CAMK2D: variants seen among roughly 807,000 people sequenced by gnomAD.
CAMK2D encodes calcium/calmodulin dependent protein kinase II delta.
CAMK2D carries 37 observed loss-of-function variants against 84.0 expected under a neutral mutation model. The ratio of observed to expected loss-of-function variants is 0.44; its 90% CI spans 0.34 to 0.58. The LOEUF is 0.58. Ranked by LOEUF, CAMK2D falls within the 20% of genes least tolerant of loss-of-function variation. The pLI is 0.02. For synonymous variants in CAMK2D, 202 were observed against 212.5 expected, an observed-to-expected ratio of 0.95 and a Z score of 0.43; for missense variants, 448 against 652.5, an observed-to-expected ratio of 0.69 and a Z score of 3.41.
At position 113,495,280 on chromosome 4, in the gene CAMK2D, A is replaced by C. The variant is rs112809028; in HGVS notation, c.1135+5183T>G. ...CTCTAAGACATTTTTAACCTAATGG[A>C]ATGACATAATTATCAAAAGTCCCTC... is the stretch of plus-strand genomic sequence containing the variant. On this transcript the variant is annotated intron_variant, in intron 16 of 20. Transcript: ENST00000511664. Among the ~76,000 whole-genome samples the C allele has an allele frequency of 3.8e-3, 573 of 152,348 alleles. 4 individuals are homozygous for C. Among genetic ancestry groups the C allele is most frequent in the African/African-American group, 0.013 (534 of 41,574 alleles).
At chr4:113,687,573 T>C (rs1361450805) in intron 2 of CAMK2D, among the ~76,000 whole-genome samples, 41 of 152,174 alleles carry the variant, frequency 2.7e-4, no homozygotes, top group Non-Finnish European at 2.8e-4. Context: ...AGGGTAGTAA[T>C]ATAGTTTGCT....
chr4:113,553,972 T>C (rs1258116767), intron 4 of CAMK2D, among the ~76,000 whole-genome samples: 9 of 152,198 alleles, frequency 5.9e-5, no homozygotes. Context: ...CTCGTAGTTA[T>C]CCTTGTTTTT....
intron 16 of CAMK2D, among the ~76,000 whole-genome samples, chr4:113,497,115 G>GTTT (rs5861137): frequency 5.5e-5 from 8 of 145,150 alleles, no homozygotes; most frequent in African/African-American, 2.0e-4. Context: ...GTTTCACTGA[G>GTTT]TTTTTTTTTT....
intron 7 of CAMK2D, among the ~76,000 whole-genome samples, chr4:113,533,376 C>T (rs2098470355): frequency 6.6e-6 from 1 of 151,958 alleles, no homozygotes; most frequent in Non-Finnish European, 1.5e-5. Flanking sequence ...AAGACCTTCT[C>T]TGTGGGAAAT....
chr4:113,471,798 C>T (rs1254423462), intron 16 of CAMK2D, among the ~76,000 whole-genome samples: 1 of 152,122 alleles, frequency 6.6e-6, no homozygotes, highest in East Asian at 1.9e-4. Context: ...GTCCCCCACC[C>T]CTTTAAGGTT....
intron 4 of CAMK2D, among the ~76,000 whole-genome samples, chr4:113,571,639 C>T (rs1020019103): frequency 5.9e-5 from 9 of 152,062 alleles, no homozygotes; most frequent in Admixed American, 3.3e-4. Context: ...TTTGGGAGGC[C>T]GAGGCGGGTG....
intron 3 of CAMK2D, among the ~76,000 whole-genome samples, chr4:113,658,939 T>C (rs2099214869): frequency 6.6e-6 from 1 of 152,188 alleles, no homozygotes; most frequent in Non-Finnish European, 1.5e-5. Context: ...ACCAAGGAAT[T>C]ATGACATTTG....
chr4:113,507,969 T>G (rs959407222), intron 13 of CAMK2D, among the ~76,000 whole-genome samples: 1 of 152,234 alleles, frequency 6.6e-6, no homozygotes, highest in Non-Finnish European at 1.5e-5. Context: ...ACATTCATTC[T>G]GTCATGGTCT....
intron 2 of CAMK2D, among the ~76,000 whole-genome samples, chr4:113,747,337 C>A (rs977945238): frequency 7.1e-6 from 1 of 140,930 alleles, no homozygotes; most frequent in African/African-American, 2.6e-5. Flanking sequence ...ATAGGAAAAG[C>A]GTATGCAAAT....
chr4:113,701,366 C>T (rs1362558359), intron 2 of CAMK2D, among the ~76,000 whole-genome samples: 1 of 152,102 alleles, frequency 6.6e-6, no homozygotes, highest in Non-Finnish European at 1.5e-5. Context: ...GTTGGATTCT[C>T]CCAGTAACAG....
intron 4 of CAMK2D, among the ~76,000 whole-genome samples, chr4:113,580,737 A>T (rs562856448): frequency 6.6e-6 from 1 of 152,286 alleles, no homozygotes; most frequent in South Asian, 2.1e-4. Context: ...CAACTACTTC[A>T]TAAGATTATC....
In CAMK2D at chr4:113,520,490, T is replaced by TTTATC. The variant is rs1430426857; in HGVS notation, c.602-2838_602-2834dup. ...GTTCTTGCCTCATGAGTAAGCCCAA[T>TTTATC]TTATCTTTTTAATAAACCTAAATTT... On this transcript the variant is annotated intron_variant, in intron 8 of 20. Coordinates refer to ENST00000511664, the MANE Select transcript of CAMK2D (RefSeq NM_001321571.2). Among the ~76,000 whole-genome samples, 27 of 152,272 alleles carry TTTATC rather than the reference T, an allele frequency of 1.8e-4. No homozygotes were observed. In the East Asian group the frequency reaches 5.2e-3, roughly 29 times the overall value.
rs113322339 is a variant in CAMK2D, at chr4:113,614,882, A to G, written c.221-5676T>C. Among the ~76,000 whole-genome samples the G allele has an allele frequency of 4.9e-3, 741 of 152,318 alleles. 6 individuals carry two copies. The highest frequency in any genetic ancestry group is 0.016 in the African/African-American group (657 of 41,572). On this transcript the variant is annotated intron_variant, in intron 3 of 20. Coordinates refer to ENST00000511664, the MANE Select transcript of CAMK2D (RefSeq NM_001321571.2). Reference sequence around the variant, plus strand: ...AATGAGTCTGACCTCAGAAAGTAAGAAAGAATTAGTAAAAATTCTAAAACT... The same window carrying G: ...AATGAGTCTGACCTCAGAAAGTAAGGAAGAATTAGTAAAAATTCTAAAACT...
chr4:113,729,962 T>A (rs974510877), intron 2 of CAMK2D, among the ~76,000 whole-genome samples: 2 of 152,330 alleles, frequency 1.3e-5, no homozygotes, highest in Admixed American at 6.5e-5. Flanking sequence ...CTGCTGTTTA[T>A]AAGCCACCCA....
At chr4:113,465,835 C>T (rs895584921) in intron 16 of CAMK2D, among the ~76,000 whole-genome samples, 1 of 152,030 alleles carries the variant, frequency 6.6e-6, no homozygotes, top group Non-Finnish European at 1.5e-5. Flanking sequence ...CCAGAATCTG[C>T]ATTTTAACAT....
chr4:113,593,869 C>T (rs1013451355), intron 4 of CAMK2D, among the ~76,000 whole-genome samples: 4 of 151,948 alleles, frequency 2.6e-5, no homozygotes, highest in Non-Finnish European at 4.4e-5. Flanking sequence ...CCTCTTTCCC[C>T]ATAACTTACC....
chr4:113,501,476 G>A (rs934876669), intron 15 of CAMK2D, among the ~76,000 whole-genome samples: 10 of 152,026 alleles, frequency 6.6e-5, no homozygotes, highest in African/African-American at 1.2e-4. Flanking sequence ...ATGGAAAACA[G>A]ATTCTGGAAA....
intron 8 of CAMK2D, among the ~76,000 whole-genome samples, chr4:113,530,803 G>A (rs2098453039): frequency 6.6e-6 from 1 of 152,160 alleles, no homozygotes; most frequent in Non-Finnish European, 1.5e-5. Context: ...AAATTTTTGT[G>A]GCCAGGCATG....
intron 3 of CAMK2D, among the ~76,000 whole-genome samples, chr4:113,618,115 T>A (rs183369286): frequency 6.6e-6 from 1 of 152,298 alleles, no homozygotes; most frequent in East Asian, 1.9e-4. Flanking sequence ...ATATGGCTAA[T>A]AAATAGTATA....
Sources: gnomAD v4.1 joint callset for allele counts (sites outside exome capture counted in the v4.1 genomes callset) on GRCh38, gnomAD v4.1.1 for gene constraint, MANE v1.5 for transcripts, NCBI Gene and HGNC (gene_info 2026-07-23, HGNC 2026-07-21) for gene names.